Variants in CHRNE observed in about 807,000 individuals in gnomAD.
CHRNE encodes the protein cholinergic receptor nicotinic epsilon subunit.
Under a neutral mutation model 56.5 loss-of-function variants are expected in CHRNE, and 58 were observed. The observed-to-expected ratio is 1.03, with a 90% CI of 0.83 to 1.28. The LOEUF is 1.28. Ranked by LOEUF, CHRNE falls within the 50% of genes most tolerant of loss-of-function variation. The pLI is 0.00. For synonymous variants in CHRNE, 385 were observed against 297.9 expected, an observed-to-expected ratio of 1.29 and a Z score of -3.01; for missense variants, 793 against 688.9, an observed-to-expected ratio of 1.15 and a Z score of -1.69.
chr17:4,899,660 C>G (rs903450987), intron 8 of CHRNE, 78 bp from the exon 9 acceptor site: 2 of 1,444,454 alleles, frequency 1.4e-6, no homozygotes, highest in African/African-American at 2.8e-5. Flanking sequence ...CTCACAAACA[C>G]GGCTTCTCCT....
chr17:4,898,302 G>T lies in CHRNE; in HGVS notation c.*434C>A. ...CACTGAAGGTGTTTGGTTCCCACCC[G>T]CTCCAGCAGAGCCAGACCAGGGAAG... On this transcript the variant is annotated 3_prime_UTR_variant, in exon 12 of 12. Coordinates refer to ENST00000649488, the MANE Select transcript of CHRNE (RefSeq NM_000080.4). 3.6e-6 allele frequency: 1 copy of T among 278,784 alleles called. No individual in the cohort carries two copies. The highest frequency in any genetic ancestry group is 3.5e-5 in the South Asian group (1 of 28,412). The allele number at this position is 278,784 out of a possible 1,614,324, so 17.3% of individuals were successfully genotyped here.
At chr17:4,901,352 G>A (rs1487466917) in intron 6 of CHRNE, 162 bp from the exon 7 acceptor site, 4 of 959,176 alleles carry the variant, frequency 4.2e-6, no homozygotes, top group Non-Finnish European at 6.5e-6. Context: ...GGTATGGAAA[G>A]CCAGAAGGCA....
In CHRNE at chr17:4,902,849, G is replaced by A; in HGVS notation, c.47-86C>T. 15 of 1,598,210 alleles carry A rather than the reference G, an allele frequency of 9.4e-6. No homozygotes were observed. Among genetic ancestry groups the A allele is most frequent in the Non-Finnish European group, 1.3e-5 (15 of 1,166,536 alleles). ...CCTCTGCCTCCCCTGGGTCCTCACA[G>A]GCCTCTGAGGCTGTGTACTATCAGT... On this transcript the variant is annotated intron_variant, in intron 1 of 11. Transcript: ENST00000649488. This position sits in a 1 kb window ranked among gnomAD's most constrained non-coding sequence, Gnocchi z 4.0.
rs1350353226 is a variant in CHRNE, at chr17:4,902,700, G to C, written c.110C>G (p.Pro37Arg). The change falls in exon 2 of 12, where the codon CCA becomes CGA. Residue 37 changes from proline to arginine, a missense_variant. Pro to Arg is a moderately radical substitution (Grantham distance 103). Transcript: ENST00000649488. The surrounding 1 kb of genome is among the most constrained non-coding windows in gnomAD (Gnocchi z 4.0). ...AGGCTCCCGCACTGGCCGGCTTCCT[G>C]GGTCATAGTTGTTGAAGAGATGGTG... ...LYHHLFNNYD[P>R]GSRPVREPED... The C allele has an allele frequency of 1.9e-6, 3 of 1,614,092 alleles. No homozygotes were observed. The South Asian group carries it at 3.3e-5, about 18-fold the overall frequency.
intron 8 of CHRNE, chr17:4,900,042 A>C: frequency 6.4e-7 from 1 of 1,551,402 alleles, no homozygotes; most frequent in Non-Finnish European, 8.7e-7. Flanking sequence ...GAGCCACCCG[A>C]ACCGAAGATG....
chr17:4,900,398 C>T (rs1969942078), intron 8 of CHRNE: 2 of 1,550,392 alleles, frequency 1.3e-6, no homozygotes, highest in South Asian at 1.2e-5. Flanking sequence ...GCGCCCGGCT[C>T]CTAGTCCAGG....
At chr17:4,903,557 A>C (rs1198987577), upstream of CHRNE, among the ~76,000 whole-genome samples, 4 of 152,168 alleles carry the variant, frequency 2.6e-5, no homozygotes, top group African/African-American at 9.7e-5. Context: ...GTGGCAAAAA[A>C]CAGTCTCCAT....
rs918839874 is a variant in CHRNE at position 4,898,877 on chromosome 17, C to A, written c.1341G>T (p.Trp447Cys). 1 of 1,582,262 alleles carries A rather than the reference C, an allele frequency of 6.3e-7. No individual in the cohort carries two copies. The highest frequency in any genetic ancestry group is 1.3e-5 in the African/African-American group (1 of 74,474). ...QEATGEEVSD[W>C]VRMGNALDNI... ...TGTCAAGGGCATTCCCCATGCGCAC[C>A]CAGTCGGACACTTCCTGGGGAAGGG... The change falls in exon 12 of 12, where the codon TGG becomes TGT. Residue 447 changes from tryptophan to cysteine, a missense_variant. Transcript: ENST00000649488.
Position 4,900,983 on chromosome 17 carries a change from T to G in CHRNE, c.802+7A>C, listed in dbSNP as rs756213406. ...GGTTTGGGGGTAGGTTCGGGGCCAC[T>G]GCTTACCCTGCGCCGGCAGGAAGTA... On this transcript the variant is annotated splice_region_variant and intron_variant, in intron 7 of 11. Coordinates refer to ENST00000649488, the MANE Select transcript of CHRNE (RefSeq NM_000080.4). 6.1e-5 allele frequency: 99 copies of G among 1,613,920 alleles called. No homozygotes were observed. The highest frequency in any genetic ancestry group is 4.9e-4 in the Middle Eastern group (3 of 6,062).
Position 4,901,603 on chromosome 17 carries a change from C to T in CHRNE, c.523G>A (p.Glu175Lys). 1.2e-6 allele frequency: 2 copies of T among 1,614,172 alleles called. No homozygotes were observed. Among genetic ancestry groups the T allele is most frequent in the South Asian group, 1.1e-5 (1 of 91,082 alleles). Residue 175 changes from glutamate (E) to lysine (K), a missense_variant, in exon 6 of 12, where the codon GAG becomes AAG. Physicochemically the swap from Glu to Lys is moderately conservative, Grantham distance 56. Transcript: ENST00000649488. The stretch of plus-strand genomic sequence containing the variant: ...TCTACGGCAAAAGTGAACTCCACCT[C>T]TTCGGCATTGTACGTCTGAGAGCTG... ...IFRSQTYNAE[E>K]VEFTFAVDND...
At chr17:4,900,432 CGGGGTCTGCA>C (rs746824055) in intron 8 of CHRNE, 5 of 1,551,032 alleles carry the variant, frequency 3.2e-6, no homozygotes, top group East Asian at 2.4e-5. Flanking sequence ...CCTGTGTGGA[CGGGGTCTGCA>C]GGGGTCTGCC....
chr17:4,900,438 C>T (rs1969943821), intron 8 of CHRNE: 5 of 1,550,964 alleles, frequency 3.2e-6, no homozygotes, highest in Admixed American at 2.0e-5. Context: ...TGGACGGGGT[C>T]TGCAGGGGTC....
chr17:4,904,753 G>A (rs976793869), upstream of CHRNE, among the ~76,000 whole-genome samples: 1 of 152,158 alleles, frequency 6.6e-6, no homozygotes, highest in Non-Finnish European at 1.5e-5. Flanking sequence ...CATCACCTTT[G>A]GGTCTCCTTC....
At chr17:4,907,590 A>AAAAAAAAAAAAAAT (rs386627263), upstream of CHRNE, among the ~76,000 whole-genome samples, 1 of 124,918 alleles carries the variant, frequency 8.0e-6, no homozygotes. Context: ...AAAAAAAAAA[A>AAAAAAAAAAAAAAT]CACTCTCAGC....
At chr17:4,907,795 A>C (rs1360683227), upstream of CHRNE, among the ~76,000 whole-genome samples, 2 of 152,146 alleles carry the variant, frequency 1.3e-5, no homozygotes, top group Non-Finnish European at 2.9e-5. Context: ...TAATCCCAGC[A>C]CTTTGGGCAG....
At chr17:4,900,136 C>G in intron 8 of CHRNE, 2 of 1,550,244 alleles carry the variant, frequency 1.3e-6, no homozygotes, top group Non-Finnish European at 1.7e-6. Flanking sequence ...TCGGCACCAC[C>G]TTGTTAGAGG....
upstream of CHRNE, chr17:4,903,122 A>AG: frequency 6.3e-7 from 1 of 1,587,350 alleles, no homozygotes; most frequent in Non-Finnish European, 8.6e-7. Context: ...GGGGCATGCC[A>AG]GGGTGCCTGT....
At chr17:4,901,828 C>T (rs542976241) in intron 5 of CHRNE, 104 bp downstream of exon 5, 19 of 1,532,054 alleles carry the variant, frequency 1.2e-5, no homozygotes. Context: ...GGCTCCGCCT[C>T]CAGCGCGAAG....
rs777901155 is a variant in CHRNE at position 4,902,982 on chromosome 17, T to A, written c.46+36A>T. On this transcript the variant is annotated intron_variant, in intron 1 of 11. Transcript: ENST00000649488. The surrounding 1 kb of genome is among the most constrained non-coding windows in gnomAD (Gnocchi z 4.0). ...CCCAGTCCCTTCATGTCAGTATCTGTGTGTGTCCAATTGCCCCTCTAGCCC... is the reference window on the plus strand; with the variant it reads ...CCCAGTCCCTTCATGTCAGTATCTGAGTGTGTCCAATTGCCCCTCTAGCCC... The A allele has an allele frequency of 5.6e-6, 9 of 1,613,566 alleles. No individual in the cohort carries two copies. Among genetic ancestry groups the A allele is most frequent in the Non-Finnish European group, 7.6e-6 (9 of 1,179,574 alleles).
Sources: allele counts gnomAD v4.1 joint callset (sites outside exome capture counted in the v4.1 genomes callset), GRCh38; gene constraint gnomAD v4.1.1; non-coding constraint Gnocchi (gnomAD v3.1); transcripts MANE v1.5; gene names NCBI Gene and HGNC (gene_info 2026-07-23, HGNC 2026-07-21).